MRPL48: variants seen among roughly 807,000 people sequenced by gnomAD.
MRPL48 encodes the protein mitochondrial ribosomal protein L48.
Under a neutral mutation model 32.9 loss-of-function variants are expected in MRPL48, and 16 were observed. The observed-to-expected ratio is 0.49, with a 90% CI of 0.33 to 0.74. The LOEUF (loss-of-function observed/expected upper bound fraction) is 0.74. MRPL48 is among the 30% of genes least tolerant of loss of function. The probability of loss-of-function intolerance (pLI) is 0.02; values close to 1 mark genes in which losing one functional copy is unlikely to be tolerated. For missense variants in MRPL48, 206 were observed against 245.3 expected (o/e 0.84, Z 1.07); for synonymous variants, 94 against 89.2 (o/e 1.05, Z -0.31).
intron 1 of MRPL48, among the ~76,000 whole-genome samples, chr11:73,795,575 C>T (rs1947240380): frequency 6.6e-6 from 1 of 151,714 alleles, no homozygotes; most frequent in Admixed American, 6.6e-5. Flanking sequence ...GGCGCGATCT[C>T]CGCTCACTGC....
rs562953032 is a variant in MRPL48 at position 73,837,998 on chromosome 11, C to T, written c.202-6809C>T. ...TCCTGAGTATCTGGGACTACAGGCA[C>T]CCGCCACCACGCCTGGCTAATTTTT... On this transcript the variant is annotated intron_variant, in intron 4 of 7. Coordinates refer to ENST00000310614, the MANE Select transcript of MRPL48 (RefSeq NM_016055.6). Among the ~76,000 whole-genome samples, 166 of 152,190 alleles carry T rather than the reference C, an allele frequency of 1.1e-3. 2 individuals are homozygous for T. The highest frequency in any genetic ancestry group is 1.4e-3 in the Non-Finnish European group (96 of 68,010).
chr11:73,854,393 C>T (rs750180712), intron 5 of MRPL48, among the ~76,000 whole-genome samples: 1 of 152,216 alleles, frequency 6.6e-6, no homozygotes, highest in East Asian at 1.9e-4. Flanking sequence ...AAGGGATTCT[C>T]AAGCCTCAGC....
intron 1 of MRPL48, among the ~76,000 whole-genome samples, chr11:73,790,830 AC>A (rs1429578926): frequency 6.7e-6 from 1 of 148,710 alleles, no homozygotes. Context: ...CCTGGATGAA[AC>A]CTAGATTATT....
chr11:73,850,238 CAA>C (rs34826026), intron 5 of MRPL48, among the ~76,000 whole-genome samples: 2 of 149,792 alleles, frequency 1.3e-5, no homozygotes, highest in Non-Finnish European at 3.0e-5. Context: ...ATTTTAATAA[CAA>C]AAATTTTTTT....
At chr11:73,800,372 G>A (rs1947337383) in intron 1 of MRPL48, among the ~76,000 whole-genome samples, 1 of 152,052 alleles carries the variant, frequency 6.6e-6, no homozygotes. Flanking sequence ...TTACTTTCAT[G>A]AAACAGCTCT....
chr11:73,845,100 G>A (rs1427917573), intron 5 of MRPL48, 124 bp downstream of exon 5: 8 of 942,494 alleles, frequency 8.5e-6, no homozygotes, highest in Non-Finnish European at 1.2e-5. Flanking sequence ...GTTATATAAT[G>A]TACTACAATA....
At chr11:73,808,948 G>C (rs1947515186) in intron 3 of MRPL48, among the ~76,000 whole-genome samples, 1 of 151,262 alleles carries the variant, frequency 6.6e-6, no homozygotes, top group East Asian at 1.9e-4. Context: ...TAATGAGAAG[G>C]CTGTGCAGCA....
intron 3 of MRPL48, among the ~76,000 whole-genome samples, chr11:73,811,156 G>A (rs1348641211): frequency 6.6e-6 from 1 of 152,196 alleles, no homozygotes; most frequent in African/African-American, 2.4e-5. Context: ...GAAGGAAAGA[G>A]TGGCCAACCA....
chr11:73,793,679 A>G (rs1947193133), intron 1 of MRPL48, among the ~76,000 whole-genome samples: 1 of 149,444 alleles, frequency 6.7e-6, no homozygotes, highest in African/African-American at 2.5e-5. Context: ...GGTGTAGATT[A>G]CGGGAGAGTA....
At chr11:73,791,932 T>C (rs1047595497) in intron 1 of MRPL48, among the ~76,000 whole-genome samples, 1 of 152,146 alleles carries the variant, frequency 6.6e-6, no homozygotes, top group African/African-American at 2.4e-5. Flanking sequence ...TCAAATTTTA[T>C]TTTATTTTTG....
chr11:73,814,208 T>C (rs1298570305), intron 3 of MRPL48, among the ~76,000 whole-genome samples: 1 of 150,946 alleles, frequency 6.6e-6, no homozygotes, highest in Non-Finnish European at 1.5e-5. Flanking sequence ...CTGGACAACA[T>C]AGGGAGACTC....
intron 5 of MRPL48, among the ~76,000 whole-genome samples, chr11:73,851,858 T>A (rs1948395657): frequency 6.6e-6 from 1 of 152,022 alleles, no homozygotes; most frequent in African/African-American, 2.4e-5. Flanking sequence ...TGCTATGTGG[T>A]GAGCACTGCA....
chr11:73,810,783 C>T (rs763998341), intron 3 of MRPL48, among the ~76,000 whole-genome samples: 1 of 151,618 alleles, frequency 6.6e-6, no homozygotes, highest in Non-Finnish European at 1.5e-5. Context: ...GTTCAACTCC[C>T]ACTTATGAGT....
chr11:73,807,518 C>G (rs1279395193), intron 2 of MRPL48, among the ~76,000 whole-genome samples: 1 of 151,330 alleles, frequency 6.6e-6, no homozygotes, highest in African/African-American at 2.4e-5. Flanking sequence ...TTCGTTATCT[C>G]TAATCTTCAC....
rs1410450660 is a variant in MRPL48, at chr11:73,859,835, A to T, written c.372-72A>T. 37 of 1,300,992 alleles carry T rather than the reference A, an allele frequency of 2.8e-5. No individual in the cohort carries two copies. In the East Asian group the frequency reaches 3.0e-4, roughly 11 times the overall value. The allele number at this position is 1,300,992 out of a possible 1,614,324, so 80.6% of individuals were successfully genotyped here. On this transcript the variant is annotated intron_variant, in intron 5 of 7. Transcript: ENST00000310614. ...ATTGCATGCCATAGTGGCTATACTC[A>T]TGGACTACTATGATTGAAGTGGCTG...
At chr11:73,804,942 C>A in intron 1 of MRPL48, 85 bp from the exon 2 acceptor site, 1 of 1,285,530 alleles carries the variant, frequency 7.8e-7, no homozygotes, top group Non-Finnish European at 1.1e-6. Flanking sequence ...GGTTTGTGTA[C>A]TGTGGGTTTC....
intron 1 of MRPL48, among the ~76,000 whole-genome samples, chr11:73,794,747 C>CTTTTTT (rs1356375156): frequency 1.5e-5 from 2 of 134,938 alleles, no homozygotes; most frequent in African/African-American, 2.8e-5. Context: ...TACTTCTTTT[C>CTTTTTT]TTTTTTTTTT....
intron 6 of MRPL48, 57 bp downstream of exon 6, chr11:73,860,066 C>A: frequency 7.0e-7 from 1 of 1,422,402 alleles, no homozygotes; most frequent in South Asian, 1.2e-5. Flanking sequence ...TTTTCTCTGT[C>A]CACTTTTTCA....
intron 6 of MRPL48, among the ~76,000 whole-genome samples, chr11:73,862,265 A>T (rs1455004849): frequency 1.3e-5 from 2 of 152,190 alleles, no homozygotes. Context: ...TCTACTAAAA[A>T]TACAAAATTA....
Sources: gnomAD v4.1 joint callset for allele counts (sites outside exome capture counted in the v4.1 genomes callset) on GRCh38, gnomAD v4.1.1 for gene constraint, MANE v1.5 for transcripts, NCBI Gene and HGNC (gene_info 2026-07-23, HGNC 2026-07-21) for gene names.